KCNK13: variants seen among roughly 807,000 people sequenced by gnomAD.
The protein encoded by KCNK13 is potassium two pore domain channel subfamily K member 13, also known as potassium channel subfamily K member 13.
KCNK13 carries 12 observed loss-of-function variants against 23.4 expected under a neutral mutation model. The observed-to-expected ratio is 0.51, with a 90% CI of 0.33 to 0.83. The LOEUF (loss-of-function observed/expected upper bound fraction) is 0.83. KCNK13 is among the 40% of genes least tolerant of loss of function. The pLI, the probability that KCNK13 is intolerant of heterozygous loss-of-function variation, is 0.02. For synonymous variants in KCNK13, 231 were observed against 229.5 expected, an observed-to-expected ratio of 1.01 and a Z score of -0.06; for missense variants, 463 against 556.3, an observed-to-expected ratio of 0.83 and a Z score of 1.69.
chr14:90,079,635 A>G (rs889874063), intron 1 of KCNK13, among the ~76,000 whole-genome samples: 18 of 152,222 alleles, frequency 1.2e-4, no homozygotes, highest in Non-Finnish European at 2.5e-4. Flanking sequence ...AGTGTCTCCT[A>G]TAAGGGGCTT....
intron 1 of KCNK13, among the ~76,000 whole-genome samples, chr14:90,133,330 A>G (rs981368773): frequency 1.3e-5 from 2 of 152,180 alleles, no homozygotes; most frequent in African/African-American, 4.8e-5. Context: ...TCCACAACGG[A>G]TAAATCTCTA....
chr14:90,116,072 T>A (rs185988650), intron 1 of KCNK13, among the ~76,000 whole-genome samples: 4 of 152,210 alleles, frequency 2.6e-5, no homozygotes, highest in African/African-American at 7.2e-5. Flanking sequence ...CCAAAAAAAA[T>A]TTTATTGAGA....
At position 90,184,842 on chromosome 14, in the gene KCNK13, A is replaced by G. The variant is rs370125830; in HGVS notation, c.1066A>G (p.Asn356Asp). Residue 356 changes from asparagine to aspartate, a missense_variant, in exon 2 of 2, where the codon AAC becomes GAC. Coordinates refer to ENST00000282146, the MANE Select transcript of KCNK13 (RefSeq NM_022054.4). This position sits in a 1 kb window ranked among gnomAD's most constrained non-coding sequence, Gnocchi z 5.6. The part of the protein sequence containing the change: ...MISMKDLLAA[N>D]KASLAILQKQ... ...CTCCATGAAGGACTTGCTGGCAGCC[A>G]ACAAGGCCTCGTTGGCCATCCTGCA... is the stretch of plus-strand genomic sequence containing the variant. 334 of 1,613,762 alleles carry G rather than the reference A, an allele frequency of 2.1e-4. No individual in the cohort carries two copies. The highest frequency in any genetic ancestry group is 2.6e-4 in the Non-Finnish European group (307 of 1,179,954).
At chr14:90,166,944 A>G (rs1890310679) in intron 1 of KCNK13, among the ~76,000 whole-genome samples, 1 of 152,164 alleles carries the variant, frequency 6.6e-6, no homozygotes, top group Non-Finnish European at 1.5e-5. Flanking sequence ...TACCAAAGGG[A>G]CAACCAGAAT....
chr14:90,132,401 C>T (rs1291065336), intron 1 of KCNK13, among the ~76,000 whole-genome samples: 6 of 151,888 alleles, frequency 4.0e-5, no homozygotes, highest in African/African-American at 9.7e-5. Context: ...AAAAATTAGC[C>T]GGTGTGGTGA....
chr14:90,126,612 C>T (rs769944980), intron 1 of KCNK13, among the ~76,000 whole-genome samples: 23 of 152,036 alleles, frequency 1.5e-4, no homozygotes, highest in Non-Finnish European at 2.9e-4. Flanking sequence ...GGTGCAATCT[C>T]GGTTCACTGC....
At position 90,184,336 on chromosome 14, in the gene KCNK13, T is replaced by A; in HGVS notation, c.560T>A (p.Leu187Gln). The change falls in exon 2 of 2, where the codon CTG (leucine) becomes CAG (glutamine). Residue 187 changes from leucine to glutamine, a missense_variant. Physicochemically the swap from Leu to Gln is moderately radical, Grantham distance 113. This residue lies in a region of KCNK13 where 144 missense variants were observed against 224.0 expected (regional missense o/e 0.64). Coordinates refer to ENST00000282146, the MANE Select transcript of KCNK13 (RefSeq NM_022054.4). The surrounding 1 kb of genome is among the most constrained non-coding windows in gnomAD (Gnocchi z 5.6). ...KDAGQCEVDSLAGWKPSVYYV... is the reference protein window; with the variant it reads ...KDAGQCEVDSQAGWKPSVYYV... ...GCGGGGCAGTGTGAGGTGGACAGCC[T>A]GGCCGGCTGGAAGCCCTCCGTGTAC... is the stretch of plus-strand genomic sequence containing the variant. The A allele has an allele frequency of 6.2e-7, 1 of 1,614,250 alleles. No homozygotes were observed.
At chr14:90,139,691 G>C (rs1889980952) in intron 1 of KCNK13, among the ~76,000 whole-genome samples, 1 of 152,202 alleles carries the variant, frequency 6.6e-6, no homozygotes, top group Non-Finnish European at 1.5e-5. Flanking sequence ...GCTGGGTGCG[G>C]TGTCTCATAC....
At chr14:90,118,992 A>T (rs1889706985) in intron 1 of KCNK13, among the ~76,000 whole-genome samples, 1 of 152,188 alleles carries the variant, frequency 6.6e-6, no homozygotes, top group African/African-American at 2.4e-5. Flanking sequence ...TAAAAATAAC[A>T]ATCAGAAACT....
chr14:90,133,915 C>G (rs1343495478), intron 1 of KCNK13, among the ~76,000 whole-genome samples: 2 of 152,168 alleles, frequency 1.3e-5, no homozygotes, highest in African/African-American at 4.8e-5. Context: ...CAGTATAACT[C>G]CATGGGTGCT....
intron 1 of KCNK13, among the ~76,000 whole-genome samples, chr14:90,176,649 G>T (rs1890425474): frequency 6.6e-6 from 1 of 152,182 alleles, no homozygotes; most frequent in Non-Finnish European, 1.5e-5. Flanking sequence ...GAATCAAGAG[G>T]TATGCTGCAG....
intron 1 of KCNK13, among the ~76,000 whole-genome samples, chr14:90,141,794 T>TG (rs60262959): frequency 0.51 from 63,752 of 125,478 alleles, 17,792 homozygotes; most frequent in African/African-American, 0.62. Flanking sequence ...TTTTGTTTTT[T>TG]GGGGGGGGGG....
chr14:90,158,504 G>C (rs1377209712), intron 1 of KCNK13, among the ~76,000 whole-genome samples: 2 of 152,240 alleles, frequency 1.3e-5, no homozygotes, highest in Non-Finnish European at 2.9e-5. Context: ...GACCAGAAGG[G>C]AAGGGGGGAA....
At chr14:90,172,996 C>T (rs889601291) in intron 1 of KCNK13, among the ~76,000 whole-genome samples, 3 of 152,126 alleles carry the variant, frequency 2.0e-5, no homozygotes, top group Non-Finnish European at 2.9e-5. Flanking sequence ...TCACTCAAGG[C>T]CTAGAGCTTC....
chr14:90,081,891 T>C (rs1264216109), intron 1 of KCNK13, among the ~76,000 whole-genome samples: 2 of 152,116 alleles, frequency 1.3e-5, no homozygotes, highest in African/African-American at 4.8e-5. Context: ...CAGGAATGGA[T>C]TAGTTCCAGT....
intron 1 of KCNK13, among the ~76,000 whole-genome samples, chr14:90,157,957 T>C (rs1890213672): frequency 6.6e-6 from 1 of 152,228 alleles, no homozygotes; most frequent in Admixed American, 6.5e-5. Flanking sequence ...CACCTCAGCC[T>C]CCCAGAGTGC....
chr14:90,132,258 T>G (rs1889883582), intron 1 of KCNK13, among the ~76,000 whole-genome samples: 2 of 152,086 alleles, frequency 1.3e-5, no homozygotes, highest in African/African-American at 2.4e-5. Flanking sequence ...GAAAGTAGAA[T>G]GGAGGCTGGG....
chr14:90,157,568 T>C (rs1890207617), intron 1 of KCNK13, among the ~76,000 whole-genome samples: 1 of 150,988 alleles, frequency 6.6e-6, no homozygotes, highest in African/African-American at 2.4e-5. Flanking sequence ...GCTAAGTTTT[T>C]AAATTTTTTG....
chr14:90,097,391 C>A (rs1248899963), intron 1 of KCNK13, among the ~76,000 whole-genome samples: 3 of 152,082 alleles, frequency 2.0e-5, no homozygotes, highest in Non-Finnish European at 4.4e-5. Flanking sequence ...GGGAACTGAT[C>A]CATTCCCATG....
Sources: gnomAD v4.1 joint callset for allele counts (sites outside exome capture counted in the v4.1 genomes callset) on GRCh38, gnomAD v4.1.1 for gene constraint, gnomAD v4.1.1 regional missense constraint, Gnocchi (gnomAD v3.1) non-coding constraint, MANE v1.5 for transcripts, NCBI Gene and HGNC (gene_info 2026-07-23, HGNC 2026-07-21) for gene names.